Variants in VPS26C observed in about 807,000 individuals in gnomAD.
The protein encoded by VPS26C is VPS26 endosomal protein sorting factor C, also known as vacuolar protein sorting-associated protein 26C.
VPS26C carries 19 observed loss-of-function variants against 30.6 expected under a neutral mutation model. The observed-to-expected ratio is 0.62, with a 90% CI of 0.43 to 0.91. The LOEUF (loss-of-function observed/expected upper bound fraction) is 0.91, where lower values mean the gene tolerates loss of function less well. Ranked by LOEUF, VPS26C falls within the 40% of genes least tolerant of loss-of-function variation. The probability of loss-of-function intolerance (pLI) is 0.00; values close to 1 mark genes in which losing one functional copy is unlikely to be tolerated. For synonymous variants in VPS26C, 132 were observed against 151.5 expected (o/e 0.87, Z 0.95); for missense variants, 318 against 385.1 (o/e 0.83, Z 1.46).
chr21:37,252,561 G>C (rs1362080904), intron 1 of VPS26C, among the ~76,000 whole-genome samples: 40 of 152,058 alleles, frequency 2.6e-4, no homozygotes, highest in Admixed American at 2.6e-3. Flanking sequence ...AACAAACTAA[G>C]ACAATGCCAC....
chr21:37,244,112 A>G (rs992892589), intron 1 of VPS26C, among the ~76,000 whole-genome samples: 1 of 152,130 alleles, frequency 6.6e-6, no homozygotes, highest in East Asian at 1.9e-4. Context: ...CCCATCTTCA[A>G]CCTCAGCCCA....
At chr21:37,244,454 G>A (rs1161962687) in intron 1 of VPS26C, among the ~76,000 whole-genome samples, 1 of 152,112 alleles carries the variant, frequency 6.6e-6, no homozygotes, top group Admixed American at 6.6e-5. Flanking sequence ...GGCTGGTCTC[G>A]AACTCCTGAC....
At chr21:37,242,243 G>A (rs2086094910) in intron 1 of VPS26C, among the ~76,000 whole-genome samples, 2 of 152,160 alleles carry the variant, frequency 1.3e-5, no homozygotes, top group African/African-American at 4.8e-5. Flanking sequence ...TAAATTCTAA[G>A]TTTAATTAAC....
intron 4 of VPS26C, chr21:37,232,671 T>TA: frequency 1.7e-6 from 1 of 596,256 alleles, no homozygotes; most frequent in Non-Finnish European, 3.0e-6. Flanking sequence ...AGAGATGTCT[T>TA]AATCTCCAAC....
rs2085872017 is a variant in VPS26C at position 37,223,806 on chromosome 21, A to G, written c.*1738T>C. The G allele has an allele frequency of 6.6e-6, 1 of 152,244 alleles. No homozygotes were observed. Among genetic ancestry groups the G allele is most frequent in the African/African-American group, 2.4e-5 (1 of 41,476 alleles). 9.4% of individuals were successfully genotyped at this position (152,244 alleles called of 1,614,324 possible). On this transcript the variant is annotated 3_prime_UTR_variant, in exon 8 of 8. Coordinates refer to ENST00000309117, the MANE Select transcript of VPS26C (RefSeq NM_006052.2). ...CACTGTTTCAGGATACTGGAAGTAC[A>G]TACAGCTTGGGAGGTCTTTGGCCTG... is the stretch of plus-strand genomic sequence containing the variant.
At chr21:37,264,031 C>T (rs2148313306) in intron 1 of VPS26C, among the ~76,000 whole-genome samples, 1 of 152,272 alleles carries the variant, frequency 6.6e-6, no homozygotes, top group African/African-American at 2.4e-5. Flanking sequence ...TGGAAAACAG[C>T]CATGACAGTG....
At chr21:37,239,743 C>T (rs1175539617) in intron 2 of VPS26C, among the ~76,000 whole-genome samples, 16 of 151,726 alleles carry the variant, frequency 1.1e-4, no homozygotes. Flanking sequence ...AGCTGGGGCA[C>T]ACGCCATCAC....
Position 37,233,364 on chromosome 21 carries a change from C to A in VPS26C, c.430G>T (p.Ala144Ser), listed in dbSNP as rs758990126. Reference protein sequence around the residue: ...TKTCEFIVHSAPQKGKFTPSP... With the variant: ...TKTCEFIVHSSPQKGKFTPSP... ...CAGAGTCCCCGAGTGAAGCTTACAG[C>A]GGAGTGAACGATAAATTCACAGGTC... The change falls in exon 4 of 8, where the codon GCT becomes TCT. Residue 144 changes from alanine to serine, a missense_variant and splice_region_variant. Transcript: ENST00000309117. The surrounding 1 kb of genome is among the most constrained non-coding windows in gnomAD (Gnocchi z 5.2). 2 of 1,613,484 alleles carry A rather than the reference C, an allele frequency of 1.2e-6. No individual in the cohort carries two copies. The highest frequency in any genetic ancestry group is 1.7e-6 in the Non-Finnish European group (2 of 1,179,560).
intron 1 of VPS26C, chr21:37,261,374 A>C (rs73393731): frequency 1.3e-5 from 2 of 152,168 alleles, no homozygotes; most frequent in African/African-American, 4.8e-5. Flanking sequence ...AGCATTCCCC[A>C]ATGTTTCTTT....
chr21:37,238,283 T>C, intron 3 of VPS26C, 177 bp downstream of exon 3: 2 of 683,946 alleles, frequency 2.9e-6, no homozygotes, highest in Non-Finnish European at 4.6e-6. Context: ...ATAACGGCCA[T>C]ACATCAAATG....
At position 37,257,900 on chromosome 21, in the gene VPS26C, C is replaced by A. The variant is rs2086260304; in HGVS notation, c.57+9338G>T. ...GTGGGGCACCAAGCGGGGAGCGGGG[C>A]CACGAGGCAGGGGACAGTGAAGCAC... On this transcript the variant is annotated intron_variant, in intron 1 of 7. Coordinates refer to ENST00000309117, the MANE Select transcript of VPS26C (RefSeq NM_006052.2). The surrounding 1 kb of genome is among the most constrained non-coding windows in gnomAD (Gnocchi z 4.2). Among the ~76,000 whole-genome samples, 1 of 152,072 alleles carries A rather than the reference C, an allele frequency of 6.6e-6. No individual in the cohort carries two copies. Among genetic ancestry groups the A allele is most frequent in the African/African-American group, 2.4e-5 (1 of 41,342 alleles).
intron 1 of VPS26C, among the ~76,000 whole-genome samples, chr21:37,245,854 T>C (rs1013022861): frequency 3.3e-5 from 5 of 151,686 alleles, no homozygotes; most frequent in African/African-American, 1.2e-4. Flanking sequence ...AGGGAGGAAA[T>C]GGTGAGGCAA....
intron 3 of VPS26C, among the ~76,000 whole-genome samples, chr21:37,235,386 C>T (rs1010254559): frequency 2.0e-5 from 3 of 152,054 alleles, no homozygotes; most frequent in African/African-American, 4.8e-5. Flanking sequence ...TGCCCACCTC[C>T]GCCTCCCAAA....
At chr21:37,267,487 A>G, upstream of VPS26C, 2 of 601,828 alleles carry the variant, frequency 3.3e-6, no homozygotes, top group Non-Finnish European at 5.9e-6. Context: ...CTTCCGGCAC[A>G]AGAGCCGGCC....
At chr21:37,239,157 C>T (rs568892441) in intron 2 of VPS26C, among the ~76,000 whole-genome samples, 2 of 152,336 alleles carry the variant, frequency 1.3e-5, no homozygotes, top group South Asian at 4.1e-4. Flanking sequence ...CAGGAGGGTA[C>T]TAACATTTGG....
intron 1 of VPS26C, among the ~76,000 whole-genome samples, chr21:37,245,868 G>A (rs1391759195): frequency 6.6e-6 from 1 of 152,012 alleles, no homozygotes; most frequent in South Asian, 2.1e-4. Context: ...GAGGCAAAAG[G>A]AAGAGATAAA....
At chr21:37,238,708 G>A (rs770193158) in intron 2 of VPS26C, 99 bp from the exon 3 acceptor site, 1 of 1,422,200 alleles carries the variant, frequency 7.0e-7, no homozygotes, top group Non-Finnish European at 9.6e-7. Context: ...CGACCCCCTG[G>A]AGGCCACCAT....
At chr21:37,232,505 G>C (rs949870271) in intron 4 of VPS26C, 54 bp from the exon 5 acceptor site, 45 of 1,443,840 alleles carry the variant, frequency 3.1e-5, no homozygotes, top group Non-Finnish European at 4.9e-6. Flanking sequence ...AGTTCTGCAG[G>C]TCAAATAGCT....
chr21:37,230,603 G>C (rs1341778447), intron 5 of VPS26C: 1 of 152,240 alleles, frequency 6.6e-6, no homozygotes, highest in Non-Finnish European at 1.5e-5. Flanking sequence ...TCTGTGGAAA[G>C]AAAAGTTCTT....
Sources: allele counts gnomAD v4.1 joint callset (sites outside exome capture counted in the v4.1 genomes callset), GRCh38; gene constraint gnomAD v4.1.1; non-coding constraint Gnocchi (gnomAD v3.1); transcripts MANE v1.5; gene names NCBI Gene and HGNC (gene_info 2026-07-23, HGNC 2026-07-21).